The following ADHFE1 variants were observed in gnomAD, a reference collection of about 807,000 sequenced individuals.
ADHFE1 encodes the protein alcohol dehydrogenase iron containing 1, also known as hydroxyacid-oxoacid transhydrogenase, mitochondrial.
Under a neutral mutation model 54.8 loss-of-function variants are expected in ADHFE1, and 37 were observed. The observed-to-expected ratio is 0.68, with a 90% CI of 0.52 to 0.89. The LOEUF (loss-of-function observed/expected upper bound fraction) is 0.89, where lower values mean the gene tolerates loss of function less well. Ranked by LOEUF, ADHFE1 falls within the 40% of genes least tolerant of loss-of-function variation. ADHFE1 has a pLI of 0.00. For missense variants in ADHFE1, 601 were observed against 591.2 expected (o/e 1.02, Z -0.17); for synonymous variants, 203 against 229.3 (o/e 0.89, Z 1.04).
At chr8:66,437,106 G>A (rs143819233) in intron 1 of ADHFE1, among the ~76,000 whole-genome samples, 3 of 152,320 alleles carry the variant, frequency 2.0e-5, no homozygotes, top group East Asian at 1.9e-4. Flanking sequence ...GCTATAGCCC[G>A]CTGAAGGGAA....
intron 9 of ADHFE1, 117 bp downstream of exon 9, chr8:66,452,222 C>G: frequency 7.3e-7 from 1 of 1,367,778 alleles, no homozygotes; most frequent in South Asian, 1.4e-5. Context: ...GAAAAGCAGT[C>G]AGTGGATGCG....
intron 3 of ADHFE1, among the ~76,000 whole-genome samples, 166 bp from the exon 4 acceptor site, chr8:66,444,201 G>A (rs554036784): frequency 1.3e-5 from 2 of 152,298 alleles, no homozygotes; most frequent in Admixed American, 1.3e-4. Context: ...GAAGTGTGGT[G>A]CGTCCACACT....
At chr8:66,445,116 A>AC (rs1805961044) in intron 5 of ADHFE1, 102 bp from the exon 6 acceptor site, 1 of 1,209,412 alleles carries the variant, frequency 8.3e-7, no homozygotes, top group Non-Finnish European at 1.1e-6. Context: ...AAAAACAAAA[A>AC]CAAAAAAAAC....
intron 9 of ADHFE1, 129 bp from the exon 10 acceptor site, chr8:66,453,930 T>G: frequency 6.5e-7 from 1 of 1,527,162 alleles, no homozygotes; most frequent in Non-Finnish European, 8.8e-7. Context: ...TTGAATAACT[T>G]GCCTGATTTT....
chr8:66,446,626 C>T (rs1319979695), intron 6 of ADHFE1, among the ~76,000 whole-genome samples: 3 of 151,938 alleles, frequency 2.0e-5, no homozygotes, highest in South Asian at 2.1e-4. Flanking sequence ...TTAATACAGA[C>T]AGACACCATA....
intron 13 of ADHFE1, among the ~76,000 whole-genome samples, chr8:66,461,517 A>T (rs1563495313): frequency 6.6e-6 from 1 of 152,132 alleles, no homozygotes; most frequent in East Asian, 1.9e-4. Flanking sequence ...CTCACTTAAG[A>T]TAATATTTAT....
chr8:66,466,122 G>A (rs1347279588), intron 13 of ADHFE1, among the ~76,000 whole-genome samples: 2 of 149,482 alleles, frequency 1.3e-5, no homozygotes, highest in Non-Finnish European at 3.0e-5. Flanking sequence ...AGGCTGGAGT[G>A]CAGTGGTGCA....
At chr8:66,437,422 G>C (rs766411699) in intron 1 of ADHFE1, among the ~76,000 whole-genome samples, 1 of 152,038 alleles carries the variant, frequency 6.6e-6, no homozygotes, top group Non-Finnish European at 1.5e-5. Flanking sequence ...GCCAGAGCCA[G>C]GAGGGCAGGT....
intron 13 of ADHFE1, among the ~76,000 whole-genome samples, chr8:66,467,354 G>A (rs1220098030): frequency 6.6e-6 from 1 of 152,088 alleles, no homozygotes; most frequent in African/African-American, 2.4e-5. Flanking sequence ...GAGAGTCAGA[G>A]TTCTATCTTG....
intron 1 of ADHFE1, 96 bp downstream of exon 1, chr8:66,432,671 T>G (rs1223034641): frequency 8.1e-7 from 1 of 1,236,330 alleles, no homozygotes. Flanking sequence ...CTTCTCCGCT[T>G]ACTTTCAAGA....
At position 66,453,971 on chromosome 8, in the gene ADHFE1, T is replaced by C. The variant is rs535791313; in HGVS notation, c.888-88T>C. 7.5e-5 allele frequency: 117 copies of C among 1,552,132 alleles called. No individual in the cohort carries two copies. The South Asian group carries it at 1.2e-3, about 16-fold the overall frequency. On this transcript the variant is annotated intron_variant, in intron 9 of 13. Coordinates refer to ENST00000396623, the MANE Select transcript of ADHFE1 (RefSeq NM_144650.3). ...CTACCGAGTAGCATTTCTTTTTTTT[T>C]CACCATATCTTTCCCTAAGGCAGCT...
intron 7 of ADHFE1, 39 bp from the exon 8 acceptor site, chr8:66,448,826 C>T: frequency 1.3e-6 from 2 of 1,531,212 alleles, no homozygotes; most frequent in South Asian, 1.2e-5. Context: ...AAAATGATGC[C>T]CATGGCTTTA....
intron 13 of ADHFE1, among the ~76,000 whole-genome samples, chr8:66,461,839 A>G (rs1464319134): frequency 1.3e-5 from 2 of 152,198 alleles, no homozygotes; most frequent in African/African-American, 4.8e-5. Context: ...ATTCAGGCTC[A>G]GTGAATTCAA....
chr8:66,440,342 G>A (rs1489231817), intron 2 of ADHFE1, 143 bp downstream of exon 2: 1 of 749,006 alleles, frequency 1.3e-6, no homozygotes, highest in Non-Finnish European at 2.3e-6. Flanking sequence ...CTGTGAAATT[G>A]ATAACACGTA....
intron 1 of ADHFE1, among the ~76,000 whole-genome samples, chr8:66,438,915 G>A (rs529045438): frequency 6.6e-6 from 1 of 152,092 alleles, no homozygotes; most frequent in South Asian, 2.1e-4. Flanking sequence ...AGGGTTCCCA[G>A]GAGCGTTCAC....
At chr8:66,432,833 C>G in intron 1 of ADHFE1, 2 of 1,223,322 alleles carry the variant, frequency 1.6e-6, no homozygotes, top group African/African-American at 1.6e-5. Context: ...CAGAGAGGAC[C>G]TGGTCCCACA....
chr8:66,438,644 G>C (rs1805583530), intron 1 of ADHFE1, among the ~76,000 whole-genome samples: 1 of 152,130 alleles, frequency 6.6e-6, no homozygotes, highest in Non-Finnish European at 1.5e-5. Flanking sequence ...GCCAGCAAAT[G>C]TAGGTCGGGA....
Position 66,468,302 on chromosome 8 carries a change from T to G in ADHFE1, c.1354T>G (p.Ser452Ala). Reference protein sequence around the residue: ...RVTKLAPCPQSEEDLAALFEA... With the variant: ...RVTKLAPCPQAEEDLAALFEA... Reference sequence around the variant, plus strand: ...CACCAAGCTTGCACCCTGTCCCCAGTCAGAAGAGGATCTGGCTGCTCTGTT... The same window carrying G: ...CACCAAGCTTGCACCCTGTCCCCAGGCAGAAGAGGATCTGGCTGCTCTGTT... The change falls in exon 14 of 14, where the codon TCA becomes GCA. Residue 452 changes from serine (S) to alanine (A), a missense_variant. By Grantham distance (99) the Ser-to-Ala change is moderately conservative. Coordinates refer to ENST00000396623, the MANE Select transcript of ADHFE1 (RefSeq NM_144650.3). The G allele has an allele frequency of 6.2e-7, 1 of 1,613,502 alleles. No homozygotes were observed. The highest frequency in any genetic ancestry group is 8.5e-7 in the Non-Finnish European group (1 of 1,179,650).
intron 1 of ADHFE1, among the ~76,000 whole-genome samples, chr8:66,435,718 T>C (rs1286419001): frequency 1.4e-5 from 2 of 141,198 alleles, no homozygotes; most frequent in African/African-American, 5.3e-5. Flanking sequence ...TCCTCAAAGA[T>C]CCTCCCACCT....
Sources: allele counts gnomAD v4.1 joint callset (sites outside exome capture counted in the v4.1 genomes callset), GRCh38; gene constraint gnomAD v4.1.1; transcripts MANE v1.5; gene names NCBI Gene and HGNC (gene_info 2026-07-23, HGNC 2026-07-21).